The following ASIC2 variants were observed in gnomAD, a reference collection of about 807,000 sequenced individuals.
ASIC2 encodes the protein acid-sensing ion channel 2.
A neutral mutation model predicts 57.3 loss-of-function variants in ASIC2; 25 were observed. The observed-to-expected ratio is 0.44, with a 90% confidence interval of 0.32 to 0.61. The LOEUF is 0.61. Among genes scored for constraint, ASIC2 ranks in the 20% least tolerant of loss-of-function variants. The pLI is 0.06. For missense variants in ASIC2, 641 were observed against 738.1 expected (o/e 0.87, Z 1.52); for synonymous variants, 319 against 307.5 (o/e 1.04, Z -0.39).
At position 33,069,437 on chromosome 17, in the gene ASIC2, A is replaced by G. The variant is rs765899802; in HGVS notation, c.987+19426T>C. ...ATCAATTATTGAGAGAGGGGTTTTGAAGTCTCCAGGCATAATTGTGGATTT... is the reference window on the plus strand; with the variant it reads ...ATCAATTATTGAGAGAGGGGTTTTGGAGTCTCCAGGCATAATTGTGGATTT... On this transcript the variant is annotated intron_variant, in intron 3 of 9. Transcript: ENST00000225823. 3.9e-5 allele frequency among the ~76,000 whole-genome samples: 6 copies of G among 152,086 alleles called. No homozygotes were observed. In the South Asian group the frequency reaches 1.0e-3, roughly 26 times the overall value.
intron 1 of ASIC2, among the ~76,000 whole-genome samples, chr17:33,384,663 A>ACCTTGGAAGAAGGACGTGT (rs1460365531): frequency 1.1e-3 from 165 of 152,272 alleles, no homozygotes; most frequent in African/African-American, 3.9e-3. Flanking sequence ...CGGATTATTG[A>ACCTTGGAAGAAGGACGTGT]CCTTGGAAGA....
chr17:34,000,050 G>GTTTT (rs1320753606), intron 1 of ASIC2, among the ~76,000 whole-genome samples: 6 of 137,832 alleles, frequency 4.4e-5, no homozygotes, highest in African/African-American at 1.9e-4. Context: ...AAGTGTTATT[G>GTTTT]TTGTTTTTTT....
intron 1 of ASIC2, among the ~76,000 whole-genome samples, chr17:33,485,890 G>A (rs1042969726): frequency 6.6e-6 from 1 of 152,224 alleles, no homozygotes; most frequent in African/African-American, 2.4e-5. Flanking sequence ...GAAGTGACCA[G>A]ACTTGAGCCT....
At chr17:33,651,100 AACT>A (rs1184477109) in intron 1 of ASIC2, among the ~76,000 whole-genome samples, 4 of 152,154 alleles carry the variant, frequency 2.6e-5, no homozygotes, top group South Asian at 2.1e-4. Context: ...GAAGAACAAA[AACT>A]ACACATGTGA....
chr17:33,332,353 A>G (rs1342249209), intron 1 of ASIC2, among the ~76,000 whole-genome samples: 2 of 152,348 alleles, frequency 1.3e-5, no homozygotes, highest in Non-Finnish European at 2.9e-5. Flanking sequence ...ATCTAACCCA[A>G]TATAGACAAA....
At chr17:33,164,195 T>A (rs1597611672) in intron 1 of ASIC2, among the ~76,000 whole-genome samples, 1 of 152,146 alleles carries the variant, frequency 6.6e-6, no homozygotes, top group South Asian at 2.1e-4. Flanking sequence ...GCCCCAAGGG[T>A]GCGTCTGGTC....
intron 1 of ASIC2, among the ~76,000 whole-genome samples, chr17:34,031,213 C>T (rs1169593624): frequency 6.6e-6 from 1 of 152,228 alleles, no homozygotes; most frequent in African/African-American, 2.4e-5. Flanking sequence ...CCAATATCTG[C>T]TGTTCTTCAG....
intron 1 of ASIC2, among the ~76,000 whole-genome samples, chr17:33,629,053 C>G (rs1906078105): frequency 6.6e-6 from 1 of 152,198 alleles, no homozygotes; most frequent in African/African-American, 2.4e-5. Context: ...TGCCTTCATC[C>G]AGACCCTCTG....
intron 1 of ASIC2, among the ~76,000 whole-genome samples, chr17:33,809,252 TCTCAA>T (rs1307134178): frequency 6.6e-6 from 1 of 152,220 alleles, no homozygotes; most frequent in Non-Finnish European, 1.5e-5. Context: ...GGGGCCTTCA[TCTCAA>T]CTGGCGTTCC....
intron 1 of ASIC2, among the ~76,000 whole-genome samples, chr17:33,674,285 G>A (rs1477807809): frequency 6.6e-6 from 1 of 152,126 alleles, no homozygotes; most frequent in Non-Finnish European, 1.5e-5. Context: ...CTCTTTCCCA[G>A]CGTATTACAG....
intron 1 of ASIC2, among the ~76,000 whole-genome samples, chr17:33,203,986 T>C (rs1906970365): frequency 6.6e-6 from 1 of 152,236 alleles, no homozygotes; most frequent in Admixed American, 6.5e-5. Context: ...ATTAAACATA[T>C]ACCTGGCCTG....
intron 1 of ASIC2, among the ~76,000 whole-genome samples, chr17:33,924,419 A>G (rs1915779682): frequency 3.9e-5 from 6 of 152,174 alleles, no homozygotes; most frequent in Admixed American, 2.6e-4. Context: ...GGCAGTAACT[A>G]CATTGACAAA....
chr17:33,718,462 G>C (rs570470442), intron 1 of ASIC2, among the ~76,000 whole-genome samples: 1 of 152,004 alleles, frequency 6.6e-6, no homozygotes, highest in East Asian at 1.9e-4. Flanking sequence ...CAGGTGTCTC[G>C]GTGATCTGAA....
At chr17:33,577,199 G>A (rs1439996771) in intron 1 of ASIC2, among the ~76,000 whole-genome samples, 1 of 152,118 alleles carries the variant, frequency 6.6e-6, no homozygotes, top group Non-Finnish European at 1.5e-5. Flanking sequence ...AGTATCCCAG[G>A]GAAGCCTCCT....
Position 33,813,476 on chromosome 17 carries a change from G to A in ASIC2, c.555+342502C>T, listed in dbSNP as rs113882037. On this transcript the variant is annotated intron_variant, in intron 1 of 9. Transcript: ENST00000359872. The stretch of plus-strand genomic sequence containing the variant: ...TTTTGTGACGGAGTCTCACTCTGTC[G>A]CCCAGGCTGGAGTGCAGTGGCACAA... Among the ~76,000 whole-genome samples, 157 of 152,162 alleles carry A rather than the reference G, an allele frequency of 1.0e-3. 1 individual carries two copies. The highest frequency in any genetic ancestry group is 3.6e-3 in the African/African-American group (149 of 41,526).
chr17:33,307,644 C>T (rs892913620), intron 1 of ASIC2, among the ~76,000 whole-genome samples: 12 of 152,162 alleles, frequency 7.9e-5, no homozygotes, highest in Non-Finnish European at 1.8e-4. Flanking sequence ...CTCAACATTC[C>T]CCTTCTCTAA....
chr17:33,189,087 C>T (rs576498268), intron 1 of ASIC2, among the ~76,000 whole-genome samples: 1 of 152,216 alleles, frequency 6.6e-6, no homozygotes, highest in Admixed American at 6.5e-5. Flanking sequence ...AAGATTTATG[C>T]TGTAAGCCTT....
chr17:33,116,311 TG>T (rs2092280782), intron 1 of ASIC2, among the ~76,000 whole-genome samples: 1 of 152,190 alleles, frequency 6.6e-6, no homozygotes, highest in African/African-American at 2.4e-5. Context: ...GCTACAAACT[TG>T]GAACAAGATG....
intron 1 of ASIC2, among the ~76,000 whole-genome samples, chr17:33,605,565 C>T (rs997027867): frequency 6.6e-6 from 1 of 152,160 alleles, no homozygotes; most frequent in African/African-American, 2.4e-5. Flanking sequence ...AATTAACATG[C>T]TTTATGCTGC....
Sources: allele counts gnomAD v4.1 joint callset (sites outside exome capture counted in the v4.1 genomes callset), GRCh38; gene constraint gnomAD v4.1.1; transcripts MANE v1.5; gene names NCBI Gene and HGNC (gene_info 2026-07-23, HGNC 2026-07-21).